Variants in ADAM32 observed in about 807,000 individuals in gnomAD.
ADAM32 encodes the protein ADAM metallopeptidase domain 32, also known as disintegrin and metalloproteinase domain-containing protein 32.
Under a neutral mutation model 114.9 loss-of-function variants are expected in ADAM32, and 89 were observed. The ratio of observed to expected loss-of-function variants is 0.77; its 90% CI spans 0.65 to 0.92. ADAM32 has a LOEUF of 0.92. Ranked by LOEUF, ADAM32 falls within the 40% of genes least tolerant of loss-of-function variation. The pLI, the probability that ADAM32 is intolerant of heterozygous loss-of-function variation, is 0.00. For missense variants in ADAM32, 870 were observed against 932.8 expected, an observed-to-expected ratio of 0.93 and a Z score of 0.88; for synonymous variants, 285 against 307.5, an observed-to-expected ratio of 0.93 and a Z score of 0.77.
At chr8:39,148,065 C>T (rs979748933) in intron 4 of ADAM32, among the ~76,000 whole-genome samples, 1 of 152,062 alleles carries the variant, frequency 6.6e-6, no homozygotes, top group Non-Finnish European at 1.5e-5. Context: ...AGGTGTGAGC[C>T]ACCGCACCCA....
intron 6 of ADAM32, among the ~76,000 whole-genome samples, chr8:39,153,000 G>A (rs763133064): frequency 3.3e-5 from 5 of 152,164 alleles, no homozygotes; most frequent in Admixed American, 6.5e-5. Context: ...TGAGGCTGAC[G>A]CCATACAGGT....
At chr8:39,261,805 TG>T (rs1812049674) in intron 19 of ADAM32, among the ~76,000 whole-genome samples, 2 of 152,188 alleles carry the variant, frequency 1.3e-5, no homozygotes, top group Non-Finnish European at 1.5e-5. Flanking sequence ...TTATTAGTGA[TG>T]TTGAACATTT....
intron 12 of ADAM32, 98 bp from the exon 13 acceptor site, chr8:39,221,512 T>C: frequency 1.1e-6 from 1 of 909,784 alleles, no homozygotes; most frequent in Non-Finnish European, 1.7e-6. Flanking sequence ...CATATCCTTT[T>C]CCAAATTCAA....
intron 11 of ADAM32, among the ~76,000 whole-genome samples, chr8:39,200,278 C>A (rs1807308058): frequency 6.6e-6 from 1 of 152,186 alleles, no homozygotes; most frequent in African/African-American, 2.4e-5. Context: ...TCCTCTCCAG[C>A]ACCTGTTATT....
At chr8:39,195,963 T>C (rs1806955497) in intron 11 of ADAM32, among the ~76,000 whole-genome samples, 3 of 152,222 alleles carry the variant, frequency 2.0e-5, no homozygotes, top group Admixed American at 1.3e-4. Context: ...TTAATTTCTC[T>C]ACTCCACATG....
chr8:39,200,228 A>C (rs1274013400), intron 11 of ADAM32, among the ~76,000 whole-genome samples: 1 of 152,230 alleles, frequency 6.6e-6, no homozygotes, highest in Non-Finnish European at 1.5e-5. Context: ...ACTAGTTTAC[A>C]GTCCCACCAA....
intron 21 of ADAM32, among the ~76,000 whole-genome samples, chr8:39,274,746 T>G (rs1435838310): frequency 6.6e-6 from 1 of 152,178 alleles, no homozygotes; most frequent in Non-Finnish European, 1.5e-5. Context: ...ATAATGAAGG[T>G]GAAAATTCCT....
intron 2 of ADAM32, among the ~76,000 whole-genome samples, chr8:39,130,551 C>T (rs1802379891): frequency 6.6e-6 from 1 of 152,156 alleles, no homozygotes. Context: ...CATTTCTCTA[C>T]AAGCATTGCT....
chr8:39,233,460 G>A (rs1186951800), intron 15 of ADAM32, among the ~76,000 whole-genome samples: 1 of 152,174 alleles, frequency 6.6e-6, no homozygotes, highest in Non-Finnish European at 1.5e-5. Context: ...AGTATAATGA[G>A]CAATGAGGAT....
chr8:39,133,823 C>T (rs1416190636), intron 2 of ADAM32, among the ~76,000 whole-genome samples: 3 of 152,170 alleles, frequency 2.0e-5, no homozygotes, highest in African/African-American at 4.8e-5. Context: ...GTAGCCTGAG[C>T]TTGCCCTCAG....
chr8:39,152,337 A>C (rs1803883247), intron 6 of ADAM32, among the ~76,000 whole-genome samples: 1 of 152,204 alleles, frequency 6.6e-6, no homozygotes, highest in African/African-American at 2.4e-5. Context: ...ATACCAAGTA[A>C]CATTGGCATA....
At chr8:39,164,450 T>C (rs1235135510) in intron 7 of ADAM32, among the ~76,000 whole-genome samples, 3 of 152,218 alleles carry the variant, frequency 2.0e-5, no homozygotes, top group African/African-American at 7.2e-5. Context: ...TGTACAAGTA[T>C]TTGCGTGAGG....
intron 10 of ADAM32, among the ~76,000 whole-genome samples, chr8:39,181,828 C>G (rs1397123097): frequency 6.6e-6 from 1 of 152,076 alleles, no homozygotes; most frequent in Admixed American, 6.5e-5. Context: ...TGCAGATGAT[C>G]AGTCTGTGAG....
chr8:39,116,274 C>T (rs1330958876), intron 1 of ADAM32, among the ~76,000 whole-genome samples: 1 of 152,044 alleles, frequency 6.6e-6, no homozygotes, highest in Non-Finnish European at 1.5e-5. Context: ...CTGTGAAAAA[C>T]TGACATTGGT....
intron 10 of ADAM32, among the ~76,000 whole-genome samples, chr8:39,179,550 T>G (rs1346001407): frequency 6.6e-6 from 1 of 152,212 alleles, no homozygotes; most frequent in African/African-American, 2.4e-5. Context: ...CCACACTCTC[T>G]GTGCTTTGGA....
At chr8:39,216,695 CTG>C (rs1564619087) in intron 12 of ADAM32, among the ~76,000 whole-genome samples, 2 of 152,010 alleles carry the variant, frequency 1.3e-5, no homozygotes, top group African/African-American at 4.8e-5. Context: ...CAATTTAACA[CTG>C]TGCACAAACA....
At chr8:39,270,001 T>G (rs940575066) in intron 19 of ADAM32, among the ~76,000 whole-genome samples, 1 of 151,654 alleles carries the variant, frequency 6.6e-6, no homozygotes, top group South Asian at 2.1e-4. Context: ...GAACCTCTTA[T>G]AAAACCGTCA....
chr8:39,154,795 T>C (rs570357514), intron 6 of ADAM32, among the ~76,000 whole-genome samples: 2 of 152,302 alleles, frequency 1.3e-5, no homozygotes, highest in East Asian at 3.9e-4. Flanking sequence ...TGACCAGGGA[T>C]GATGAGCTTT....
chr8:39,162,501 T>C, intron 7 of ADAM32, among the ~76,000 whole-genome samples: 1 of 152,104 alleles, frequency 6.6e-6, no homozygotes, highest in Non-Finnish European at 1.5e-5. Context: ...AGCAGCATGA[T>C]TTATATTCCT....
Sources: gnomAD v4.1 joint callset for allele counts (sites outside exome capture counted in the v4.1 genomes callset) on GRCh38, gnomAD v4.1.1 for gene constraint, MANE v1.5 for transcripts, NCBI Gene and HGNC (gene_info 2026-07-23, HGNC 2026-07-21) for gene names.